The following ZYG11B variants were observed in gnomAD, a reference collection of about 807,000 sequenced individuals.
ZYG11B encodes zyg-11 family member B, cell cycle regulator.
ZYG11B carries 36 observed loss-of-function variants against 82.4 expected under a neutral mutation model. The observed-to-expected ratio is 0.44, with a 90% CI of 0.33 to 0.58. The LOEUF is 0.58. ZYG11B is among the 20% of genes least tolerant of loss of function. The pLI is 0.02. For synonymous variants in ZYG11B, 303 were observed against 312.8 expected (o/e 0.97, Z 0.33); for missense variants, 552 against 895.6 (o/e 0.62, Z 4.90).
intron 1 of ZYG11B, among the ~76,000 whole-genome samples, chr1:52,739,601 A>C (rs1441815227): frequency 6.6e-6 from 1 of 151,790 alleles, no homozygotes; most frequent in Non-Finnish European, 1.5e-5. Flanking sequence ...ATATTTGCAA[A>C]GTACTTTGTT....
chr1:52,730,462 A>G (rs1301643049), intron 1 of ZYG11B, among the ~76,000 whole-genome samples: 1 of 152,094 alleles, frequency 6.6e-6, no homozygotes, highest in Non-Finnish European at 1.5e-5. Flanking sequence ...AAGTAAAGCT[A>G]GGACTTCAAG....
At chr1:52,802,893 G>A (rs189082390) in intron 10 of ZYG11B, among the ~76,000 whole-genome samples, 28 of 151,044 alleles carry the variant, frequency 1.9e-4, no homozygotes, top group Admixed American at 1.1e-3. Flanking sequence ...GGTGGCACGC[G>A]CCTGTAGTCC....
chr1:52,727,285 G>C (rs1644294397), intron 1 of ZYG11B, among the ~76,000 whole-genome samples: 2 of 152,002 alleles, frequency 1.3e-5, no homozygotes, highest in African/African-American at 2.4e-5. Flanking sequence ...TTGCTTCCCG[G>C]GAGCTGTAGG....
At position 52,785,063 on chromosome 1, in the gene ZYG11B, T is replaced by C. The variant is rs77046047; in HGVS notation, c.1269+10T>C. On this transcript the variant is annotated intron_variant, in intron 5 of 13. Coordinates refer to ENST00000294353, the MANE Select transcript of ZYG11B (RefSeq NM_024646.3). ...TCCCAATCACCAGCAGGTAAGCTTA[T>C]GTGAATTCCTTTTCAAATAGTCCTT... 1,304 of 1,610,760 alleles carry C rather than the reference T, an allele frequency of 8.1e-4. 11 individuals are homozygous for C. The African/African-American group carries it at 0.016, about 20-fold the overall frequency.
rs867245240 is a variant in ZYG11B at position 52,726,504 on chromosome 1, A to G, written c.-150A>G. ...GGCTGCGGCTGCGGCTGCGGCTGCT[A>G]CTGCTACGCTCCTAGCTTGAGGGAA... On this transcript the variant is annotated 5_prime_UTR_variant, in exon 1 of 14. Transcript: ENST00000294353. 121 of 665,806 alleles carry G rather than the reference A, an allele frequency of 1.8e-4. No homozygotes were observed. The Middle Eastern group carries it at 1.9e-3, about 11-fold the overall frequency. 41.2% of individuals were successfully genotyped at this position (665,806 alleles called of 1,614,324 possible).
chr1:52,772,519 C>T (rs998720441), intron 3 of ZYG11B: 5 of 1,609,000 alleles, frequency 3.1e-6, no homozygotes, highest in Admixed American at 3.3e-5. Flanking sequence ...GGAGTAAGGC[C>T]CTTCTTGGCC....
At chr1:52,781,154 A>C (rs999118924) in intron 4 of ZYG11B, among the ~76,000 whole-genome samples, 3 of 152,068 alleles carry the variant, frequency 2.0e-5, no homozygotes, top group African/African-American at 7.2e-5. Flanking sequence ...CAACAACAAC[A>C]ACCAAAGTTG....
chr1:52,752,799 C>T lies in ZYG11B; in HGVS notation c.31-3659C>T, dbSNP rs569527631. ...ACTGGTTGTTGGCGTGGGAAAAGCC[C>T]AGAAATTTGGTGTCAGTAGTGTTGT... On this transcript the variant is annotated intron_variant, in intron 1 of 13. Transcript: ENST00000294353. 3.9e-4 allele frequency among the ~76,000 whole-genome samples: 59 copies of T among 152,002 alleles called. 1 individual carries two copies. The Middle Eastern group carries it at 0.01, about 26-fold the overall frequency.
At chr1:52,798,714 T>A (rs1054987830) in intron 8 of ZYG11B, among the ~76,000 whole-genome samples, 1 of 152,178 alleles carries the variant, frequency 6.6e-6, no homozygotes, top group Non-Finnish European at 1.5e-5. Flanking sequence ...GCTGTATGCT[T>A]TGGGGAAGCA....
At chr1:52,790,773 C>CTTTTTTTTTTTTT in intron 6 of ZYG11B, among the ~76,000 whole-genome samples, 1 of 77,692 alleles carries the variant, frequency 1.3e-5, no homozygotes, top group African/African-American at 5.2e-5. Flanking sequence ...GTCCAGTGTT[C>CTTTTTTTTTTTTT]TTTTTTTTTT....
chr1:52,812,083 T>C (rs1645188798), intron 10 of ZYG11B, among the ~76,000 whole-genome samples: 1 of 152,078 alleles, frequency 6.6e-6, no homozygotes, highest in African/African-American at 2.4e-5. Context: ...TCTCCCTTCA[T>C]GTTTATGTCT....
chr1:52,805,065 T>G (rs1416094914), intron 10 of ZYG11B: 2 of 135,952 alleles, frequency 1.5e-5, no homozygotes, highest in Non-Finnish European at 3.0e-5. Context: ...CACTCCAGCC[T>G]GGGCAACAAG....
chr1:52,731,598 G>T (rs1644333059), intron 1 of ZYG11B, among the ~76,000 whole-genome samples: 1 of 152,010 alleles, frequency 6.6e-6, no homozygotes, highest in South Asian at 2.1e-4. Flanking sequence ...GATGTTCTAG[G>T]CACTGTGATT....
chr1:52,758,901 A>C (rs946218120), intron 2 of ZYG11B, among the ~76,000 whole-genome samples: 4 of 152,002 alleles, frequency 2.6e-5, no homozygotes, highest in African/African-American at 9.7e-5. Flanking sequence ...ATTTCTTTCT[A>C]ATCCCAATTT....
chr1:52,804,731 A>C (rs1279222130), intron 10 of ZYG11B, among the ~76,000 whole-genome samples: 1 of 152,234 alleles, frequency 6.6e-6, no homozygotes, highest in Non-Finnish European at 1.5e-5. Context: ...ATGTTTTATC[A>C]GCTTAATTGC....
At chr1:52,746,714 T>TTTTTTTTG (rs1644480681) in intron 1 of ZYG11B, among the ~76,000 whole-genome samples, 2 of 128,572 alleles carry the variant, frequency 1.6e-5, no homozygotes, top group African/African-American at 2.9e-5. Context: ...TTTTTTTTTT[T>TTTTTTTTG]GCGGCTGGAA....
At chr1:52,796,991 T>A (rs370934565) in intron 8 of ZYG11B, among the ~76,000 whole-genome samples, 3 of 90,476 alleles carry the variant, frequency 3.3e-5, no homozygotes, top group African/African-American at 1.2e-4. Context: ...TATATATTTT[T>A]TATATAAATA....
intron 10 of ZYG11B, among the ~76,000 whole-genome samples, chr1:52,806,386 A>T (rs1311417645): frequency 1.3e-5 from 2 of 152,272 alleles, no homozygotes; most frequent in Admixed American, 6.5e-5. Context: ...TTTTCTGCCT[A>T]CCTGTTCTAT....
chr1:52,817,777 G>A (rs12740182), intron 13 of ZYG11B, among the ~76,000 whole-genome samples: 14,951 of 41,894 alleles, frequency 0.36, 2,836 homozygotes, highest in East Asian at 0.59. Flanking sequence ...ATATATATGT[G>A]TATATATATA....
Sources: allele counts gnomAD v4.1 joint callset (sites outside exome capture counted in the v4.1 genomes callset), GRCh38; gene constraint gnomAD v4.1.1; transcripts MANE v1.5; gene names NCBI Gene and HGNC (gene_info 2026-07-23, HGNC 2026-07-21).